Variants in GRM1 observed in about 807,000 individuals in gnomAD.
GRM1 encodes the protein metabotropic glutamate receptor 1.
GRM1 carries 33 observed loss-of-function variants against 90.9 expected under a neutral mutation model. The observed-to-expected ratio is 0.36, with a 90% confidence interval of 0.28 to 0.49. The LOEUF is 0.49. GRM1 is among the 20% of genes least tolerant of loss of function. The pLI is 0.99. For missense variants in GRM1, 1,190 were observed against 1,534.3 expected, an observed-to-expected ratio of 0.78 and a Z score of 3.75; for synonymous variants, 700 against 613.2, an observed-to-expected ratio of 1.14 and a Z score of -2.09.
At chr6:146,333,909 AT>A in intron 3 of GRM1, among the ~76,000 whole-genome samples, 1 of 152,332 alleles carries the variant, frequency 6.6e-6, no homozygotes, top group African/African-American at 2.4e-5. Context: ...GGAAAAAAAA[AT>A]GATGAAATCT....
At chr6:146,406,089 G>A (rs148525581) in intron 7 of GRM1, among the ~76,000 whole-genome samples, 809 of 152,320 alleles carry the variant, frequency 5.3e-3, no homozygotes, top group Non-Finnish European at 8.5e-3. Flanking sequence ...AGAACTTTAA[G>A]CTTCTTTGTA....
rs577826630 is a variant in GRM1 at position 146,372,512 on chromosome 6, G to C, written c.1603-14378G>C. On this transcript the variant is annotated intron_variant, in intron 5 of 7. Coordinates refer to ENST00000282753, the MANE Select transcript of GRM1 (RefSeq NM_001278064.2). ...TTTTGCTTTGGATGCCTATGCTTGT[G>C]GGGTATTGCTCAAGAAATTTTTGCC... Among the ~76,000 whole-genome samples, 5 of 152,120 alleles carry C rather than the reference G, an allele frequency of 3.3e-5. No homozygotes were observed. The South Asian group carries it at 1.0e-3, about 32-fold the overall frequency.
intron 1 of GRM1, among the ~76,000 whole-genome samples, chr6:146,093,215 C>G (rs146964125): frequency 6.6e-6 from 1 of 152,078 alleles, no homozygotes; most frequent in African/African-American, 2.4e-5. Context: ...GATGGGAAAG[C>G]CTTGCTGTCA....
chr6:146,267,737 TCTC>T, intron 2 of GRM1, among the ~76,000 whole-genome samples: 1 of 150,850 alleles, frequency 6.6e-6, no homozygotes, highest in South Asian at 2.1e-4. Context: ...TCTCGTCTCG[TCTC>T]GTCTCGTCTC....
At chr6:146,104,554 G>A (rs945923190) in intron 1 of GRM1, among the ~76,000 whole-genome samples, 3 of 152,194 alleles carry the variant, frequency 2.0e-5, no homozygotes, top group Admixed American at 1.3e-4. Context: ...GGGGCATTAA[G>A]GAAGAGCAGC....
intron 2 of GRM1, among the ~76,000 whole-genome samples, chr6:146,213,496 G>A (rs1007996292): frequency 2.0e-5 from 3 of 152,084 alleles, no homozygotes; most frequent in African/African-American, 7.2e-5. Context: ...GAAGGTAATG[G>A]ATGTTTCAAT....
chr6:146,425,949 G>T (rs1273127715), intron 7 of GRM1, among the ~76,000 whole-genome samples: 1 of 152,208 alleles, frequency 6.6e-6, no homozygotes, highest in Non-Finnish European at 1.5e-5. Context: ...CCTAGGTGCT[G>T]TATAAGGAGA....
intron 3 of GRM1, among the ~76,000 whole-genome samples, chr6:146,324,086 C>G (rs1409457840): frequency 6.6e-6 from 1 of 152,158 alleles, no homozygotes; most frequent in Non-Finnish European, 1.5e-5. Flanking sequence ...TTCAGAGATT[C>G]CCTGCCCAGA....
intron 1 of GRM1, among the ~76,000 whole-genome samples, chr6:146,153,051 C>T (rs1777398399): frequency 6.6e-6 from 1 of 152,110 alleles, no homozygotes; most frequent in Admixed American, 6.6e-5. Flanking sequence ...GGTGTACTAT[C>T]TTCAGCCTGA....
At chr6:146,374,161 T>C (rs1776006959) in intron 5 of GRM1, among the ~76,000 whole-genome samples, 1 of 130,014 alleles carries the variant, frequency 7.7e-6, no homozygotes, top group Admixed American at 7.4e-5. Flanking sequence ...GATGTATCGG[T>C]ATCGCATTGA....
At chr6:146,118,333 G>A (rs1775844039) in intron 1 of GRM1, among the ~76,000 whole-genome samples, 1 of 151,788 alleles carries the variant, frequency 6.6e-6, no homozygotes, top group Admixed American at 6.6e-5. Flanking sequence ...TAGAGACAAG[G>A]TTTCACCGTG....
At chr6:146,279,525 T>A (rs899448045) in intron 2 of GRM1, among the ~76,000 whole-genome samples, 1 of 152,174 alleles carries the variant, frequency 6.6e-6, no homozygotes, top group African/African-American at 2.4e-5. Flanking sequence ...TATTATTCAG[T>A]TAAAAAATTT....
At chr6:146,410,501 G>C (rs973155821) in intron 7 of GRM1, among the ~76,000 whole-genome samples, 12 of 152,118 alleles carry the variant, frequency 7.9e-5, no homozygotes, top group African/African-American at 2.9e-4. Context: ...TGAGTGTAGG[G>C]GAGTAGAGGA....
intron 3 of GRM1, among the ~76,000 whole-genome samples, chr6:146,313,908 A>G (rs1783863037): frequency 6.6e-6 from 1 of 151,940 alleles, no homozygotes. Context: ...CTGACACTAT[A>G]TTTTATTTGT....
chr6:146,398,554 T>A (rs1029591537), intron 6 of GRM1, among the ~76,000 whole-genome samples: 1 of 152,164 alleles, frequency 6.6e-6, no homozygotes, highest in Non-Finnish European at 1.5e-5. Flanking sequence ...GTATGTCACA[T>A]TAGGCTTGTA....
At chr6:146,034,233 A>G (rs1177192696) in intron 1 of GRM1, among the ~76,000 whole-genome samples, 1 of 152,028 alleles carries the variant, frequency 6.6e-6, no homozygotes, top group South Asian at 2.1e-4. Flanking sequence ...GTTTCCACCA[A>G]TCCTTCATTG....
chr6:146,162,252 T>C (rs1319054771), intron 2 of GRM1, among the ~76,000 whole-genome samples: 5 of 152,192 alleles, frequency 3.3e-5, no homozygotes, highest in African/African-American at 1.2e-4. Flanking sequence ...GTGTAGGTGG[T>C]CATGAACTTC....
Position 146,251,982 on chromosome 6 carries a change from C to A in GRM1, c.951-52629C>A, listed in dbSNP as rs1025731305. The stretch of plus-strand genomic sequence containing the variant: ...TTTTCTCAAATACATCTCAGTGAAG[C>A]TTTCCCTGACCACCTTCATAGAATT... On this transcript the variant is annotated intron_variant, in intron 2 of 7. Coordinates refer to ENST00000282753, the MANE Select transcript of GRM1 (RefSeq NM_001278064.2). Among the ~76,000 whole-genome samples, 4 of 152,320 alleles carry A rather than the reference C, an allele frequency of 2.6e-5. No individual in the cohort carries two copies. In the East Asian group the frequency reaches 7.7e-4, roughly 29 times the overall value.
chr6:146,198,066 C>A (rs904358793), intron 2 of GRM1, among the ~76,000 whole-genome samples: 1 of 152,172 alleles, frequency 6.6e-6, no homozygotes, highest in Non-Finnish European at 1.5e-5. Context: ...ATTTCTATTA[C>A]CTTGATTGTA....
Sources: gnomAD v4.1 joint callset for allele counts (sites outside exome capture counted in the v4.1 genomes callset) on GRCh38, gnomAD v4.1.1 for gene constraint, MANE v1.5 for transcripts, NCBI Gene and HGNC (gene_info 2026-07-23, HGNC 2026-07-21) for gene names.